Variants in PI4KA observed in about 807,000 individuals in gnomAD.
PI4KA encodes the protein PI4-kinase alpha.
A neutral mutation model predicts 271.4 loss-of-function variants in PI4KA; 122 were observed. That is an observed-to-expected ratio of 0.45 (90% confidence interval 0.39 to 0.52). The LOEUF (loss-of-function observed/expected upper bound fraction) is 0.52, where lower values mean the gene tolerates loss of function less well. PI4KA is among the 20% of genes least tolerant of loss of function. The pLI, the probability that PI4KA is intolerant of heterozygous loss-of-function variation, is 0.00. For synonymous variants in PI4KA, 1,041 were observed against 1,078.8 expected, an observed-to-expected ratio of 0.96 and a Z score of 0.69; for missense variants, 1,969 against 2,769.1, an observed-to-expected ratio of 0.71 and a Z score of 6.48.
rs568733255 is a variant in PI4KA, at chr22:20,762,909, C to A, written c.2709-1523G>T. ...GCAGTGGTTTGATCATAGCTCACTG[C>A]AGCCTCAACCTCCTAGGCTTAAGCA... On this transcript the variant is annotated intron_variant, in intron 22 of 54. Coordinates refer to ENST00000255882, the MANE Select transcript of PI4KA (RefSeq NM_058004.4). Among the ~76,000 whole-genome samples the A allele has an allele frequency of 2.0e-5, 3 of 151,786 alleles. No homozygotes were observed. The South Asian group carries it at 6.2e-4, about 31-fold the overall frequency.
intron 25 of PI4KA, among the ~76,000 whole-genome samples, 155 bp downstream of exon 25, chr22:20,752,746 TCA>T (rs1930843851): frequency 6.6e-6 from 1 of 152,210 alleles, no homozygotes; most frequent in African/African-American, 2.4e-5. Flanking sequence ...TGCAGGAAAC[TCA>T]CAGACATTGG....
At chr22:20,779,965 T>G (rs1205335488) in intron 19 of PI4KA, 1 of 1,614,226 alleles carries the variant, frequency 6.2e-7, no homozygotes. Context: ...GGGTACACAC[T>G]GCGGTCAGTC....
chr22:20,782,667 AG>A lies in PI4KA; in HGVS notation c.2328+10525del, dbSNP rs1933889281. Among the ~76,000 whole-genome samples, 3 of 152,202 alleles carry A rather than the reference AG, an allele frequency of 2.0e-5. No homozygotes were observed. The South Asian group carries it at 6.2e-4, about 32-fold the overall frequency. On this transcript the variant is annotated intron_variant, in intron 19 of 54. Coordinates refer to ENST00000255882, the MANE Select transcript of PI4KA (RefSeq NM_058004.4). ...TCCCAAAAGAGCAATTTTGTCCCCA[AG>A]GTCTGAAGACACTTTTGGTTGTCAC...
At chr22:20,747,379 C>A in intron 29 of PI4KA, 1 of 444,886 alleles carries the variant, frequency 2.2e-6, no homozygotes, top group Non-Finnish European at 4.0e-6. Flanking sequence ...AAAAAAAGCA[C>A]AATAAGGAAA....
chr22:20,820,019 G>A (rs1922426091), intron 5 of PI4KA, 119 bp from the exon 6 acceptor site: 15 of 913,124 alleles, frequency 1.6e-5, no homozygotes, highest in Non-Finnish European at 2.4e-5. Flanking sequence ...AACTGTGAAG[G>A]TTCACAATAA....
intron 3 of PI4KA, among the ~76,000 whole-genome samples, chr22:20,824,725 T>C (rs1923150466): frequency 6.9e-6 from 1 of 143,952 alleles, no homozygotes; most frequent in African/African-American, 2.7e-5. Flanking sequence ...TAAGTAAATG[T>C]GATAAATCAC....
chr22:20,726,968 C>T (rs555963120), intron 41 of PI4KA, among the ~76,000 whole-genome samples: 39 of 152,176 alleles, frequency 2.6e-4, no homozygotes, highest in East Asian at 1.4e-3. Flanking sequence ...GCACAGCTGC[C>T]GCGCCGCCTC....
At chr22:20,731,137 C>G (rs1282981140) in intron 36 of PI4KA, among the ~76,000 whole-genome samples, 2 of 152,196 alleles carry the variant, frequency 1.3e-5, no homozygotes, top group East Asian at 3.9e-4. Flanking sequence ...TATGATTACA[C>G]TATTGCACTC....
At chr22:20,781,816 C>A (rs1933822817) in intron 19 of PI4KA, among the ~76,000 whole-genome samples, 2 of 152,336 alleles carry the variant, frequency 1.3e-5, no homozygotes, top group South Asian at 4.1e-4. Context: ...GCTGGTTTCA[C>A]CACTTCTCGT....
Position 20,716,472 on chromosome 22 carries a change from G to C in PI4KA, c.5317+1236C>G, listed in dbSNP as rs533480944. ...GGGATGTGTGCTCCTTGAGCCCTGA[G>C]AGGTGGGCTTTGAGGGGAGCCAAGC... is the stretch of plus-strand genomic sequence containing the variant. On this transcript the variant is annotated intron_variant, in intron 45 of 54. Transcript: ENST00000255882. 3.3e-5 allele frequency among the ~76,000 whole-genome samples: 5 copies of C among 152,334 alleles called. No homozygotes were observed. The South Asian group carries it at 1.0e-3, about 32-fold the overall frequency.
At chr22:20,729,825 A>C (rs905329954) in intron 37 of PI4KA, 67 bp downstream of exon 37, 5 of 1,606,846 alleles carry the variant, frequency 3.1e-6, no homozygotes, top group Admixed American at 1.7e-5. Flanking sequence ...GCAAGTGTCC[A>C]TCAAGCAGCT....
chr22:20,795,961 C>G (rs116786973), intron 18 of PI4KA, among the ~76,000 whole-genome samples, 185 bp downstream of exon 18: 4,519 of 152,252 alleles, frequency 0.03, 88 homozygotes, highest in Middle Eastern at 0.061. Context: ...GAAAACTGCC[C>G]TCTCCCCTGA....
chr22:20,709,552 T>C, intron 53 of PI4KA, 173 bp from the exon 54 acceptor site: 1 of 624,772 alleles, frequency 1.6e-6, no homozygotes, highest in Non-Finnish European at 2.9e-6. Context: ...ACGCCTGGCC[T>C]ATCATGGGCC....
chr22:20,716,240 C>T (rs1315538190), intron 45 of PI4KA, among the ~76,000 whole-genome samples: 1 of 152,128 alleles, frequency 6.6e-6, no homozygotes, highest in East Asian at 1.9e-4. Context: ...TTGGTAGAGA[C>T]GGGGTTTCAC....
At chr22:20,723,764 G>A (rs1308481110) in intron 42 of PI4KA, among the ~76,000 whole-genome samples, 1 of 152,012 alleles carries the variant, frequency 6.6e-6, no homozygotes, top group East Asian at 2.0e-4. Flanking sequence ...CTGGGAGGTG[G>A]AGGTTGCAGT....
At chr22:20,820,941 G>A (rs1922577471) in intron 4 of PI4KA, among the ~76,000 whole-genome samples, 1 of 152,202 alleles carries the variant, frequency 6.6e-6, no homozygotes, top group Admixed American at 6.5e-5. Flanking sequence ...CTTTTCATGG[G>A]TAAACGCCCT....
chr22:20,740,973 AC>A (rs1929362011), intron 32 of PI4KA, among the ~76,000 whole-genome samples: 1 of 152,272 alleles, frequency 6.6e-6, no homozygotes, highest in Non-Finnish European at 1.5e-5. Context: ...AGAGGAGATC[AC>A]AGGAAGACTG....
chr22:20,733,742 T>C lies in PI4KA; in HGVS notation c.4154A>G (p.Tyr1385Cys). ...GCACATCTTGGGGGAGTACCTGAAG[T>C]AGTCAAAGGCAGTGGAGTAGATCTT... ...REKIYSTAFD[Y>C]FSCPPKFPTQ... Residue 1385 changes from tyrosine to cysteine, a missense_variant, in exon 35 of 55, where the codon TAC (tyrosine) becomes TGC (cysteine). This residue lies in a region of PI4KA where 72 missense variants were observed against 103.1 expected (regional missense o/e 0.70). Coordinates refer to ENST00000255882, the MANE Select transcript of PI4KA (RefSeq NM_058004.4). 2 of 1,613,682 alleles carry C rather than the reference T, an allele frequency of 1.2e-6. No homozygotes were observed. Among genetic ancestry groups the C allele is most frequent in the Non-Finnish European group, 1.7e-6 (2 of 1,179,826 alleles).
Position 20,799,302 on chromosome 22 carries a change from C to T in PI4KA, c.1821-26G>A, listed in dbSNP as rs165758. The T allele has an allele frequency of 0.34, 509,157 of 1,503,612 alleles. 88,951 individuals are homozygous for T. The highest frequency in any genetic ancestry group is 0.51 in the African/African-American group (36,048 of 70,800). 93.1% of individuals were successfully genotyped at this position (1,503,612 alleles called of 1,614,324 possible). On this transcript the variant is annotated intron_variant, in intron 15 of 54. Transcript: ENST00000255882. ...CTACAGAAGGAAGAACAGAAGCGCC[C>T]TAGCAACAGTCCCTCCAGCATGCAG...
Sources: gnomAD v4.1 joint callset for allele counts (sites outside exome capture counted in the v4.1 genomes callset) on GRCh38, gnomAD v4.1.1 for gene constraint, gnomAD v4.1.1 regional missense constraint, MANE v1.5 for transcripts, NCBI Gene and HGNC (gene_info 2026-07-23, HGNC 2026-07-21) for gene names.